CCDC102B: variants seen among roughly 807,000 people sequenced by gnomAD.
CCDC102B encodes the protein coiled-coil domain-containing protein 102B.
Under a neutral mutation model 57.4 loss-of-function variants are expected in CCDC102B, and 75 were observed. The ratio of observed to expected loss-of-function variants is 1.31; its 90% confidence interval spans 1.08 to 1.58. The LOEUF (loss-of-function observed/expected upper bound fraction) is 1.58. Ranked by LOEUF, CCDC102B falls within the 40% of genes most tolerant of loss-of-function variation. The pLI, the probability that CCDC102B is intolerant of heterozygous loss-of-function variation, is 0.00. For synonymous variants in CCDC102B, 206 were observed against 201.9 expected (o/e 1.02, Z -0.17); for missense variants, 636 against 582.6 (o/e 1.09, Z -0.94).
In CCDC102B at chr18:69,054,557, G is replaced by A. The variant is rs370302627; in HGVS notation, c.*420G>A. ...AAATAATTGGTAAACTTTTATGTACGTGTTGTCTATGTGGTGGGGATGGCA... is the reference window on the plus strand; with the variant it reads ...AAATAATTGGTAAACTTTTATGTACATGTTGTCTATGTGGTGGGGATGGCA... On this transcript the variant is annotated 3_prime_UTR_variant, in exon 8 of 8. Coordinates refer to ENST00000360242, the MANE Select transcript of CCDC102B (RefSeq NM_024781.3). 2.3e-5 allele frequency: 23 copies of A among 989,156 alleles called. No homozygotes were observed. The highest frequency in any genetic ancestry group is 2.3e-4 in the East Asian group (2 of 8,846). 61.3% of individuals were successfully genotyped at this position (989,156 alleles called of 1,614,324 possible).
chr18:68,915,035 CA>C (rs1180617503), intron 6 of CCDC102B, among the ~76,000 whole-genome samples: 1 of 151,508 alleles, frequency 6.6e-6, no homozygotes, highest in African/African-American at 2.4e-5. Flanking sequence ...TGAATGAGGG[CA>C]GCGATTGAGA....
intron 1 of CCDC102B, among the ~76,000 whole-genome samples, chr18:68,804,004 A>G (rs922544204): frequency 3.3e-5 from 5 of 152,190 alleles, no homozygotes; most frequent in African/African-American, 1.2e-4. Flanking sequence ...TGGAGAACAT[A>G]CTGGAGTAGG....
In CCDC102B at chr18:68,864,030, T is replaced by C. The variant is rs553705331; in HGVS notation, c.937-10639T>C. ...TAAGATCACAATCTGTGCAGACATA[T>C]GTGCATTGCTACTGAGATGGTCATT... On this transcript the variant is annotated intron_variant, in intron 4 of 7. Coordinates refer to ENST00000360242, the MANE Select transcript of CCDC102B (RefSeq NM_024781.3). 5.9e-5 allele frequency among the ~76,000 whole-genome samples: 9 copies of C among 152,134 alleles called. No homozygotes were observed. The South Asian group carries it at 8.3e-4, about 14-fold the overall frequency.
At chr18:68,980,766 G>A (rs1288957118) in intron 6 of CCDC102B, among the ~76,000 whole-genome samples, 1 of 151,998 alleles carries the variant, frequency 6.6e-6, no homozygotes, top group African/African-American at 2.4e-5. Context: ...CAGTCTTTGT[G>A]GTTTAAGCGG....
Position 68,837,024 on chromosome 18 carries a change from G to C in CCDC102B, c.261G>C (p.Gln87His), listed in dbSNP as rs1183849340. 1.2e-6 allele frequency: 2 copies of C among 1,614,174 alleles called. No homozygotes were observed. The highest frequency in any genetic ancestry group is 2.2e-5 in the South Asian group (2 of 91,082). ...AAGAAGTCAAGGCCAGAGCTGCTCA[G>C]ATGGAAAAGACCATGCGGTGGTGGT... is the stretch of plus-strand genomic sequence containing the variant. ...ELEEVKARAA[Q>H]MEKTMRWWSD... is the part of the protein sequence containing the mutation. Residue 87 changes from glutamine to histidine, a missense_variant, in exon 2 of 8, where the codon CAG (glutamine) becomes CAC (histidine). By Grantham distance (24) the Gln-to-His change is conservative (BLOSUM62 0). Coordinates refer to ENST00000360242, the MANE Select transcript of CCDC102B (RefSeq NM_024781.3).
chr18:69,030,966 A>C (rs951815208), intron 7 of CCDC102B, among the ~76,000 whole-genome samples: 1 of 152,068 alleles, frequency 6.6e-6, no homozygotes, highest in Non-Finnish European at 1.5e-5. Context: ...TGTATGTTTC[A>C]TTGTAAGATT....
intron 7 of CCDC102B, among the ~76,000 whole-genome samples, chr18:69,036,638 C>G (rs1046114567): frequency 1.1e-4 from 17 of 151,974 alleles, no homozygotes; most frequent in Admixed American, 1.1e-3. Context: ...AAACACTATT[C>G]CAGGCTCTTG....
intron 2 of CCDC102B, 104 bp from the exon 3 acceptor site, chr18:68,838,602 G>A: frequency 6.8e-7 from 1 of 1,467,578 alleles, no homozygotes; most frequent in Non-Finnish European, 9.0e-7. Flanking sequence ...ATAAAAATAT[G>A]AATTGGTTGT....
At chr18:68,967,945 A>G (rs1242540538) in intron 6 of CCDC102B, among the ~76,000 whole-genome samples, 1 of 152,188 alleles carries the variant, frequency 6.6e-6, no homozygotes, top group Non-Finnish European at 1.5e-5. Flanking sequence ...AAAATTACTA[A>G]TACACTTAAG....
At chr18:68,978,249 A>G (rs1435809889) in intron 6 of CCDC102B, among the ~76,000 whole-genome samples, 1 of 152,052 alleles carries the variant, frequency 6.6e-6, no homozygotes, top group Non-Finnish European at 1.5e-5. Flanking sequence ...TTAATAAAAG[A>G]CATTAGCCTA....
At chr18:68,874,291 A>G (rs1361764617) in intron 4 of CCDC102B, among the ~76,000 whole-genome samples, 2 of 151,884 alleles carry the variant, frequency 1.3e-5, no homozygotes, top group African/African-American at 2.4e-5. Flanking sequence ...TATAGAAAAT[A>G]GACATAAAAA....
intron 1 of CCDC102B, among the ~76,000 whole-genome samples, chr18:68,817,118 C>A (rs1174540289): frequency 6.6e-6 from 1 of 152,148 alleles, no homozygotes; most frequent in East Asian, 1.9e-4. Context: ...ATGTTGCATG[C>A]ATTTTTATAT....
At chr18:68,744,340 G>A (rs531362611) in intron 2 of CCDC102B, among the ~76,000 whole-genome samples, 1 of 152,292 alleles carries the variant, frequency 6.6e-6, no homozygotes, top group South Asian at 2.1e-4. Flanking sequence ...CTATTGAACT[G>A]TGGAGGTTTT....
intron 2 of CCDC102B, among the ~76,000 whole-genome samples, chr18:68,747,060 A>G (rs987112691): frequency 6.6e-5 from 10 of 151,802 alleles, no homozygotes; most frequent in African/African-American, 1.5e-4. Flanking sequence ...CATCTCAACC[A>G]TTTGTCATTT....
intron 6 of CCDC102B, among the ~76,000 whole-genome samples, chr18:69,002,361 C>A (rs1322236787): frequency 6.6e-6 from 1 of 152,080 alleles, no homozygotes; most frequent in Non-Finnish European, 1.5e-5. Context: ...GATGACATCC[C>A]TTCTCATTTA....
At chr18:68,842,237 GTATA>G (rs35993883) in intron 3 of CCDC102B, among the ~76,000 whole-genome samples, 3 of 148,678 alleles carry the variant, frequency 2.0e-5, no homozygotes, top group Admixed American at 6.7e-5. Context: ...TATATATAAA[GTATA>G]TATATATATA....
At position 68,763,813 on chromosome 18, in the gene CCDC102B, G is replaced by T. The variant is rs554384008; in HGVS notation, c.-67+47219G>T. Among the ~76,000 whole-genome samples, 26 of 150,416 alleles carry T rather than the reference G, an allele frequency of 1.7e-4. No individual in the cohort carries two copies. In the East Asian group the frequency reaches 5.2e-3, roughly 30 times the overall value. The stretch of plus-strand genomic sequence containing the variant: ...TAGAACCTAGCATTTTTTTCCCCTT[G>T]TGTTAACCTCTAGGTATTTCTTCCA... On this transcript the variant is annotated intron_variant, in intron 2 of 3. Coordinates refer to the CCDC102B transcript ENST00000578970.
chr18:68,927,676 T>G (rs1406896982), intron 6 of CCDC102B, among the ~76,000 whole-genome samples: 1 of 151,968 alleles, frequency 6.6e-6, no homozygotes, highest in Non-Finnish European at 1.5e-5. Flanking sequence ...AGCTAATACT[T>G]TCCCCACTTC....
chr18:69,045,659 C>A (rs1447039923), intron 7 of CCDC102B, among the ~76,000 whole-genome samples: 1 of 152,046 alleles, frequency 6.6e-6, no homozygotes, highest in Admixed American at 6.6e-5. Context: ...AGGTAAACTG[C>A]ATGTCACAGG....
Sources: allele counts gnomAD v4.1 joint callset (sites outside exome capture counted in the v4.1 genomes callset), GRCh38; gene constraint gnomAD v4.1.1; transcripts MANE v1.5; gene names NCBI Gene and HGNC (gene_info 2026-07-23, HGNC 2026-07-21).